Variants in ARHGAP8 observed in about 807,000 individuals in gnomAD.
ARHGAP8 encodes the protein rho GTPase-activating protein 8.
Under a neutral mutation model 46.1 loss-of-function variants are expected in ARHGAP8, and 62 were observed. The observed-to-expected ratio is 1.34, with a 90% CI of 1.10 to 1.66. The LOEUF (loss-of-function observed/expected upper bound fraction) is 1.66, where lower values mean the gene tolerates loss of function less well. ARHGAP8 is among the 40% of genes most tolerant of loss of function. ARHGAP8 has a pLI of 0.00. For synonymous variants in ARHGAP8, 375 were observed against 243.1 expected, an observed-to-expected ratio of 1.54 and a Z score of -5.05; for missense variants, 923 against 568.4, an observed-to-expected ratio of 1.62 and a Z score of -6.34.
intron 7 of ARHGAP8, among the ~76,000 whole-genome samples, chr22:44,838,236 C>G (rs1451888058): frequency 4.0e-5 from 6 of 151,812 alleles, no homozygotes; most frequent in African/African-American, 1.5e-4. Context: ...CTCCCGGGTT[C>G]AAGCAATTCT....
intron 7 of ARHGAP8, among the ~76,000 whole-genome samples, chr22:44,829,589 G>A (rs6007311): frequency 3.6e-4 from 55 of 152,194 alleles, no homozygotes; most frequent in African/African-American, 1.2e-3. Flanking sequence ...CACACTGCGC[G>A]TGCAGCTTGG....
rs759636915 is a variant in ARHGAP8 at position 44,859,730 on chromosome 22, G to C, written c.878-1G>C. On this transcript the variant is annotated splice_acceptor_variant, in intron 10 of 11. Transcript: ENST00000356099. LOFTEE classifies it high-confidence loss of function. ...CAGCAGGGAGCCCCATGCCCTTCCAGGTGTGGAGAGCAGCCTGCGTGTCAC... is the reference window on the plus strand; with the variant it reads ...CAGCAGGGAGCCCCATGCCCTTCCACGTGTGGAGAGCAGCCTGCGTGTCAC... The C allele has an allele frequency of 4.5e-5, 72 of 1,613,340 alleles. No individual in the cohort carries two copies. The highest frequency in any genetic ancestry group is 5.6e-5 in the Non-Finnish European group (66 of 1,180,028).
At chr22:44,779,097 CTTTTTT>C (rs532665716) in intron 1 of ARHGAP8, among the ~76,000 whole-genome samples, 1 of 26,110 alleles carries the variant, frequency 3.8e-5, no homozygotes, top group Admixed American at 3.6e-4. Context: ...TGGTCTCTGA[CTTTTTT>C]TTTTTTTTTT....
chr22:44,798,567 C>T (rs1326839065), intron 2 of ARHGAP8, among the ~76,000 whole-genome samples: 1 of 151,694 alleles, frequency 6.6e-6, no homozygotes, highest in Non-Finnish European at 1.5e-5. Context: ...GGTACTCTTC[C>T]CCCACTACAC....
chr22:44,819,585 A>G (rs1479117112), intron 5 of ARHGAP8, among the ~76,000 whole-genome samples: 2 of 152,170 alleles, frequency 1.3e-5, no homozygotes, highest in Non-Finnish European at 2.9e-5. Context: ...AGCTACGAGA[A>G]TCGCTTGAAC....
intron 1 of ARHGAP8, among the ~76,000 whole-genome samples, chr22:44,784,988 T>C (rs6007291): frequency 0.9 from 137,545 of 152,170 alleles, 62,315 homozygotes; most frequent in Non-Finnish European, 0.94. Flanking sequence ...CTGCACAGAG[T>C]GGTGCTGAGT....
chr22:44,828,773 G>A lies in ARHGAP8; in HGVS notation c.596+3180G>A, dbSNP rs148371888. 3.2e-3 allele frequency among the ~76,000 whole-genome samples: 493 copies of A among 152,018 alleles called. 2 individuals are homozygous for A. Among genetic ancestry groups the A allele is most frequent in the African/African-American group, 0.012 (480 of 41,460 alleles). On this transcript the variant is annotated intron_variant, in intron 7 of 11. Coordinates refer to ENST00000356099, the MANE Select transcript of ARHGAP8 (RefSeq NM_181335.3). ...CGGGCCAGGATATTCCAGCCATCAG[G>A]TGACCGTTTTCCCCACGTTCCTGAA...
chr22:44,823,196 G>A (rs1268137670), intron 6 of ARHGAP8, among the ~76,000 whole-genome samples: 1 of 152,176 alleles, frequency 6.6e-6, no homozygotes, highest in Admixed American at 6.5e-5. Flanking sequence ...GGTGTTTAGG[G>A]AGTGTGGTCT....
chr22:44,835,911 C>A (rs1040055498), intron 7 of ARHGAP8, among the ~76,000 whole-genome samples: 1 of 148,418 alleles, frequency 6.7e-6, no homozygotes, highest in Non-Finnish European at 1.5e-5. Context: ...TCTCCTGTAC[C>A]ATGTGGCTGT....
At position 44,760,584 on chromosome 22, in the gene ARHGAP8, C is replaced by A. The variant is rs868840191; in HGVS notation, c.-72+7957C>A. On this transcript the variant is annotated intron_variant, in intron 1 of 11. Transcript: ENST00000356099. ...CTCTTCCTCTGTATGCCCTGCACAT[C>A]GGACTTGCCACTCAAATTAAGTTTG... 5.9e-5 allele frequency among the ~76,000 whole-genome samples: 9 copies of A among 152,318 alleles called. 1 individual carries two copies. The highest frequency in any genetic ancestry group is 2.6e-4 in the Admixed American group (4 of 15,306).
rs557347476 is a variant in ARHGAP8, at chr22:44,845,199, G to C, written c.597-70G>C. 17 of 1,590,276 alleles carry C rather than the reference G, an allele frequency of 1.1e-5. No homozygotes were observed. In the East Asian group the frequency reaches 3.8e-4, roughly 36 times the overall value. ...TTTCACAGGGGTGTGGAGAGGACCA[G>C]CGCCTCTTCTCATTGTGATCACCCA... On this transcript the variant is annotated intron_variant, in intron 7 of 11. Coordinates refer to ENST00000356099, the MANE Select transcript of ARHGAP8 (RefSeq NM_181335.3).
intron 2 of ARHGAP8, among the ~76,000 whole-genome samples, chr22:44,793,657 G>C (rs1041767664): frequency 3.2e-4 from 48 of 152,208 alleles, no homozygotes; most frequent in African/African-American, 1.1e-3. Flanking sequence ...GGTAATGGCT[G>C]TGGGAATCGT....
chr22:44,769,133 C>T, intron 1 of ARHGAP8, among the ~76,000 whole-genome samples: 1 of 152,210 alleles, frequency 6.6e-6, no homozygotes, highest in Non-Finnish European at 1.5e-5. Flanking sequence ...CCGTGCCCGG[C>T]CTAAGCCACT....
chr22:44,819,783 A>G (rs1929996673), intron 5 of ARHGAP8, among the ~76,000 whole-genome samples: 1 of 152,256 alleles, frequency 6.6e-6, no homozygotes. Flanking sequence ...GAAGTCAGCC[A>G]CATTTTCCCC....
intron 1 of ARHGAP8, among the ~76,000 whole-genome samples, chr22:44,759,415 G>A (rs888336702): frequency 9.2e-5 from 14 of 152,174 alleles, no homozygotes; most frequent in African/African-American, 3.4e-4. Context: ...GGACGCTTTT[G>A]GCTGTAATTA....
intron 8 of ARHGAP8, among the ~76,000 whole-genome samples, chr22:44,847,359 C>G (rs2301420): frequency 6.6e-6 from 1 of 152,248 alleles, no homozygotes; most frequent in South Asian, 2.1e-4. Context: ...AATTGCCCAA[C>G]TGAACTTGGA....
intron 2 of ARHGAP8, among the ~76,000 whole-genome samples, chr22:44,794,753 T>G (rs115495374): frequency 2.9e-4 from 44 of 150,910 alleles, no homozygotes; most frequent in African/African-American, 1.0e-3. Flanking sequence ...ATGGAAATTT[T>G]CAAATGCTAC....
intron 10 of ARHGAP8, among the ~76,000 whole-genome samples, chr22:44,852,444 C>A (rs1229804972): frequency 3.3e-5 from 5 of 152,172 alleles, no homozygotes; most frequent in African/African-American, 1.2e-4. Flanking sequence ...CCTTCCCACA[C>A]CTGCCTTTCT....
At chr22:44,807,292 G>A (rs142538595) in intron 3 of ARHGAP8, among the ~76,000 whole-genome samples, 37 of 152,318 alleles carry the variant, frequency 2.4e-4, no homozygotes, top group Middle Eastern at 6.8e-3. Flanking sequence ...TCCTTCTGCA[G>A]ATGGCAGGGC....
Sources: allele counts gnomAD v4.1 joint callset (sites outside exome capture counted in the v4.1 genomes callset), GRCh38; gene constraint gnomAD v4.1.1; transcripts MANE v1.5; gene names NCBI Gene and HGNC (gene_info 2026-07-23, HGNC 2026-07-21).